The following SPSB1 variants were observed in gnomAD, a reference collection of about 807,000 sequenced individuals.
The protein encoded by SPSB1 is splA/ryanodine receptor domain and SOCS box containing 1.
A neutral mutation model predicts 21.2 loss-of-function variants in SPSB1; 8 were observed. The observed-to-expected ratio is 0.38, with a 90% confidence interval of 0.22 to 0.68. SPSB1 has a LOEUF of 0.68. Ranked by LOEUF, SPSB1 falls within the 30% of genes least tolerant of loss-of-function variation. The pLI, the probability that SPSB1 is intolerant of heterozygous loss-of-function variation, is 0.53. For synonymous variants in SPSB1, 169 were observed against 161.7 expected (o/e 1.05, Z -0.34); for missense variants, 242 against 377.8 (o/e 0.64, Z 2.98).
chr1:9,366,688 C>T (rs1401686825), intron 2 of SPSB1, among the ~76,000 whole-genome samples: 2 of 152,018 alleles, frequency 1.3e-5, no homozygotes, highest in South Asian at 2.1e-4. Flanking sequence ...ATTCTCCTGC[C>T]TCAGACTCCT....
At chr1:9,325,158 C>T (rs963169872) in intron 1 of SPSB1, among the ~76,000 whole-genome samples, 2 of 151,432 alleles carry the variant, frequency 1.3e-5, no homozygotes, top group African/African-American at 2.4e-5. Context: ...TTCCCCCAGC[C>T]GGGGCGCTGG....
rs1640509349 is a variant in SPSB1, at chr1:9,363,387, C to T, written c.695-4061C>T. Among the ~76,000 whole-genome samples the T allele has an allele frequency of 6.6e-6, 1 of 152,198 alleles. No homozygotes were observed. The highest frequency in any genetic ancestry group is 1.5e-5 in the Non-Finnish European group (1 of 68,034). On this transcript the variant is annotated intron_variant, in intron 2 of 2. Coordinates refer to ENST00000328089, the MANE Select transcript of SPSB1 (RefSeq NM_025106.4). This position sits in a 1 kb window ranked among gnomAD's most constrained non-coding sequence, Gnocchi z 4.5. Reference sequence around the variant, plus strand: ...GGTGGATCCCATGACCCATCCCTAACTGGTTTATTCAGTGAGATCCAGAGA... The same window carrying T: ...GGTGGATCCCATGACCCATCCCTAATTGGTTTATTCAGTGAGATCCAGAGA...
At chr1:9,312,199 G>A (rs1388136373) in intron 1 of SPSB1, among the ~76,000 whole-genome samples, 3 of 151,110 alleles carry the variant, frequency 2.0e-5, no homozygotes, top group Admixed American at 6.6e-5. Context: ...GCAGAATCTC[G>A]CTCTGTCACC....
chr1:9,299,277 A>G (rs1272972780), intron 1 of SPSB1, among the ~76,000 whole-genome samples: 2 of 152,318 alleles, frequency 1.3e-5, no homozygotes, highest in East Asian at 3.9e-4. Flanking sequence ...GCTGATGGGT[A>G]TATCAGCTCT....
chr1:9,364,526 C>T (rs907052690), intron 2 of SPSB1, among the ~76,000 whole-genome samples: 3 of 152,132 alleles, frequency 2.0e-5, no homozygotes, highest in African/African-American at 7.2e-5. Flanking sequence ...CGAGGGAAAC[C>T]CAACCCTGTG....
Position 9,356,347 on chromosome 1 carries a change from T to C in SPSB1, c.456T>C (p.Asp152=). 1 of 1,614,028 alleles carries C rather than the reference T, an allele frequency of 6.2e-7. No homozygotes were observed. The highest frequency in any genetic ancestry group is 8.5e-7 in the Non-Finnish European group (1 of 1,180,032). Residue 152 remains aspartate, a synonymous_variant, in exon 2 of 3, where the codon GAT becomes GAC. Transcript: ENST00000328089. This position sits in a 1 kb window ranked among gnomAD's most constrained non-coding sequence, Gnocchi z 7.4. The stretch of plus-strand genomic sequence containing the variant: ...TGGGGCGCAACCGGCTCTACCACGA[T>C]GGCAAGAACCAGCCAAGCAAAACAT... The part of the protein sequence containing the change: ...WDLGRNRLYH[D]GKNQPSKTYP...
chr1:9,365,333 T>G (rs111585094), intron 2 of SPSB1, among the ~76,000 whole-genome samples: 7 of 152,216 alleles, frequency 4.6e-5, no homozygotes, highest in Non-Finnish European at 7.4e-5. Flanking sequence ...CTCAGGCTGG[T>G]CTCAAACTCC....
At chr1:9,304,878 G>T (rs1050898948) in intron 1 of SPSB1, among the ~76,000 whole-genome samples, 1 of 152,078 alleles carries the variant, frequency 6.6e-6, no homozygotes, top group Admixed American at 6.5e-5. Flanking sequence ...TCCCTATGTT[G>T]CCCAGGCTGG....
chr1:9,328,227 A>G (rs968793621), intron 1 of SPSB1, among the ~76,000 whole-genome samples: 1 of 152,226 alleles, frequency 6.6e-6, no homozygotes, highest in East Asian at 1.9e-4. Flanking sequence ...TGGCCCATCA[A>G]TGGAATCTTG....
chr1:9,361,424 C>T (rs922212083), intron 2 of SPSB1, among the ~76,000 whole-genome samples: 4 of 152,004 alleles, frequency 2.6e-5, no homozygotes, highest in African/African-American at 7.3e-5. Flanking sequence ...CCCCTGGATT[C>T]GACTTCCACG....
chr1:9,339,875 A>G (rs1050734549), intron 1 of SPSB1, among the ~76,000 whole-genome samples: 6 of 152,106 alleles, frequency 3.9e-5, no homozygotes, highest in Admixed American at 2.0e-4. Flanking sequence ...CGGCCTCTAG[A>G]TGTGGCTGGT....
chr1:9,332,556 G>C (rs549698007), intron 1 of SPSB1, among the ~76,000 whole-genome samples: 1 of 152,308 alleles, frequency 6.6e-6, no homozygotes, highest in East Asian at 1.9e-4. Flanking sequence ...TTCACAGGCA[G>C]ACACTCCCTG....
At chr1:9,301,581 G>A (rs745621805) in intron 1 of SPSB1, among the ~76,000 whole-genome samples, 6 of 152,218 alleles carry the variant, frequency 3.9e-5, no homozygotes, top group African/African-American at 1.2e-4. Flanking sequence ...TCCCGAGTGC[G>A]CACAGGACAT....
Position 9,342,665 on chromosome 1 carries a change from C to A in SPSB1, c.-149-13078C>A, listed in dbSNP as rs545145918. On this transcript the variant is annotated intron_variant, in intron 1 of 2. Coordinates refer to ENST00000328089, the MANE Select transcript of SPSB1 (RefSeq NM_025106.4). ...CCAGCCCGCGGGGTCATCCCCTCCC[C>A]AGACCACAGTTTGGGCCCAGGGGTC... Among the ~76,000 whole-genome samples the A allele has an allele frequency of 2.6e-5, 4 of 152,346 alleles. No homozygotes were observed. The South Asian group carries it at 8.3e-4, about 32-fold the overall frequency.
At chr1:9,329,461 G>A (rs915580802) in intron 1 of SPSB1, among the ~76,000 whole-genome samples, 2 of 152,034 alleles carry the variant, frequency 1.3e-5, no homozygotes, top group Non-Finnish European at 2.9e-5. Flanking sequence ...AGAGCCTTTG[G>A]GAAGATGGGC....
chr1:9,343,873 C>A (rs1013153556), intron 1 of SPSB1, among the ~76,000 whole-genome samples: 3 of 152,106 alleles, frequency 2.0e-5, no homozygotes, highest in African/African-American at 7.2e-5. Context: ...GAAAGCTCCG[C>A]CTCCTGGGTT....
Position 9,333,629 on chromosome 1 carries a change from C to T in SPSB1, c.-149-22114C>T, listed in dbSNP as rs752783477. On this transcript the variant is annotated intron_variant, in intron 1 of 2. Transcript: ENST00000328089. ...TACAAGCGTGAGCCACCATGCCCGC[C>T]CTCCTTGTCAGCTTCCTGAAGCGCC... Among the ~76,000 whole-genome samples, 9 of 152,182 alleles carry T rather than the reference C, an allele frequency of 5.9e-5. No homozygotes were observed. The South Asian group carries it at 8.3e-4, about 14-fold the overall frequency.
intron 1 of SPSB1, among the ~76,000 whole-genome samples, chr1:9,318,928 A>G (rs1446764843): frequency 6.6e-6 from 1 of 152,068 alleles, no homozygotes; most frequent in African/African-American, 2.4e-5. Context: ...AGTGGCTCAC[A>G]CCTGTAATCC....
At chr1:9,351,749 T>C (rs1337515622) in intron 1 of SPSB1, 10 of 152,242 alleles carry the variant, frequency 6.6e-5, no homozygotes, top group Admixed American at 5.9e-4. Context: ...CAAAAGGAAG[T>C]TGGGAAGGCA....
Sources: allele counts gnomAD v4.1 joint callset (sites outside exome capture counted in the v4.1 genomes callset), GRCh38; gene constraint gnomAD v4.1.1; non-coding constraint Gnocchi (gnomAD v3.1); transcripts MANE v1.5; gene names NCBI Gene and HGNC (gene_info 2026-07-23, HGNC 2026-07-21).